ARMC9: variants seen among roughly 807,000 people sequenced by gnomAD.
The protein encoded by ARMC9 is armadillo repeat containing 9, also known as lisH domain-containing protein ARMC9.
ARMC9 carries 94 observed loss-of-function variants against 107.0 expected under a neutral mutation model. That is an observed-to-expected ratio of 0.88 (90% confidence interval 0.74 to 1.04). The LOEUF (loss-of-function observed/expected upper bound fraction) is 1.04, where lower values mean the gene tolerates loss of function less well. Ranked by LOEUF, ARMC9 falls within the 50% of genes least tolerant of loss-of-function variation. The pLI, the probability that ARMC9 is intolerant of heterozygous loss-of-function variation, is 0.00. For missense variants in ARMC9, 942 were observed against 1,030.1 expected (o/e 0.91, Z 1.17); for synonymous variants, 380 against 396.9 (o/e 0.96, Z 0.51).
chr2:231,370,226 ACCAGG>A (rs1419855026), intron 24 of ARMC9, 101 bp downstream of exon 24: 24 of 1,319,176 alleles, frequency 1.8e-5, no homozygotes, highest in Non-Finnish European at 2.4e-5. Flanking sequence ...TCCTGTGTGT[ACCAGG>A]CCAGGCCAGA....
chr2:231,276,798 T>G, intron 15 of ARMC9, 23 bp downstream of exon 15: 1 of 1,612,798 alleles, frequency 6.2e-7, no homozygotes, highest in Non-Finnish European at 8.5e-7. Context: ...ACCCTCATTC[T>G]AGTGCAAGAA....
At chr2:231,290,400 G>GT (rs1215301714) in intron 17 of ARMC9, among the ~76,000 whole-genome samples, 4 of 152,238 alleles carry the variant, frequency 2.6e-5, no homozygotes, top group Non-Finnish European at 4.4e-5. Context: ...GTTGGCTCAT[G>GT]TAACTGAAAA....
chr2:231,256,116 A>T (rs2037772190), intron 9 of ARMC9: 1 of 1,552,514 alleles, frequency 6.4e-7, no homozygotes, highest in Non-Finnish European at 8.7e-7. Flanking sequence ...AGCCGTGTGC[A>T]GCCTATCAAG....
At chr2:231,309,266 A>G (rs2042203231) in intron 19 of ARMC9, among the ~76,000 whole-genome samples, 1 of 152,146 alleles carries the variant, frequency 6.6e-6, no homozygotes, top group Admixed American at 6.5e-5. Flanking sequence ...TAGACACCTC[A>G]TGATTCCTAG....
chr2:231,334,443 T>C (rs562443899), intron 20 of ARMC9, among the ~76,000 whole-genome samples: 10 of 152,300 alleles, frequency 6.6e-5, no homozygotes, highest in Non-Finnish European at 1.5e-5. Context: ...GGCCTTCCCC[T>C]CTTCTGTCTT....
intron 19 of ARMC9, among the ~76,000 whole-genome samples, chr2:231,299,397 G>A (rs761894415): frequency 5.6e-4 from 85 of 151,198 alleles, no homozygotes; most frequent in Non-Finnish European, 1.1e-3. Flanking sequence ...TAAACTGCAA[G>A]GGGGGAATAG....
At chr2:231,293,440 T>TTTTAGTCCAC (rs1269664899) in intron 18 of ARMC9, among the ~76,000 whole-genome samples, 1 of 152,150 alleles carries the variant, frequency 6.6e-6, no homozygotes, top group Non-Finnish European at 1.5e-5. Flanking sequence ...CACCTGTGTG[T>TTTTAGTCCAC]TTTAGTCCAC....
intron 17 of ARMC9, among the ~76,000 whole-genome samples, chr2:231,289,015 A>G (rs951366862): frequency 1.7e-4 from 26 of 152,330 alleles, no homozygotes; most frequent in Admixed American, 9.8e-4. Context: ...ATTATTCACT[A>G]GGACCTTTTA....
intron 23 of ARMC9, among the ~76,000 whole-genome samples, chr2:231,369,749 G>A (rs571561612): frequency 2.6e-5 from 4 of 151,688 alleles, no homozygotes; most frequent in Admixed American, 2.0e-4. Flanking sequence ...GCCCGCCACC[G>A]CGCCCGGCTA....
chr2:231,265,127 A>G (rs1453382596), intron 12 of ARMC9, among the ~76,000 whole-genome samples: 1 of 152,160 alleles, frequency 6.6e-6, no homozygotes, highest in Non-Finnish European at 1.5e-5. Flanking sequence ...AATGAGCTGA[A>G]CGCTTGAACC....
chr2:231,339,857 C>T (rs1277071344), intron 20 of ARMC9, among the ~76,000 whole-genome samples: 1 of 152,160 alleles, frequency 6.6e-6, no homozygotes, highest in African/African-American at 2.4e-5. Flanking sequence ...CGCTTGAACC[C>T]AGGAGGCAGA....
At chr2:231,367,290 C>T (rs2045857122) in intron 23 of ARMC9, among the ~76,000 whole-genome samples, 1 of 152,232 alleles carries the variant, frequency 6.6e-6, no homozygotes, top group East Asian at 1.9e-4. Context: ...TGGGCCCTGC[C>T]GCCCAGGCTT....
chr2:231,305,995 A>T (rs1340294159), intron 19 of ARMC9, among the ~76,000 whole-genome samples: 1 of 152,220 alleles, frequency 6.6e-6, no homozygotes, highest in Non-Finnish European at 1.5e-5. Flanking sequence ...CTCCAACTTA[A>T]CTGACGTTTA....
intron 8 of ARMC9, among the ~76,000 whole-genome samples, chr2:231,237,753 GTA>G (rs1226959333): frequency 0.023 from 559 of 24,432 alleles, 14 homozygotes; most frequent in East Asian, 0.05. Context: ...TTGGCTATAT[GTA>G]TATATATATA....
Position 231,366,873 on chromosome 2 carries a change from C to T in ARMC9, c.2262-3080C>T, listed in dbSNP as rs190040147. On this transcript the variant is annotated intron_variant, in intron 23 of 24. Transcript: ENST00000611582. ...ACCAAACAAATTTTTTTTTTTGAGA[C>T]GGAGTCTCGCTCTGTCGCCCAGGCT... Among the ~76,000 whole-genome samples the T allele has an allele frequency of 2.4e-3, 361 of 149,852 alleles. 7 individuals are homozygous for T. In the Middle Eastern group the frequency reaches 0.083, roughly 34 times the overall value.
chr2:231,210,699 C>T (rs2032705486), intron 3 of ARMC9, among the ~76,000 whole-genome samples: 1 of 152,234 alleles, frequency 6.6e-6, no homozygotes, highest in African/African-American at 2.4e-5. Flanking sequence ...TTTGCCATCG[C>T]ATTTCAGCTC....
chr2:231,206,619 G>A (rs2125306525), intron 2 of ARMC9, among the ~76,000 whole-genome samples: 1 of 152,280 alleles, frequency 6.6e-6, no homozygotes, highest in Middle Eastern at 3.4e-3. Flanking sequence ...CCTGTAGTTT[G>A]TTTTACAGAA....
intron 24 of ARMC9, chr2:231,370,475 G>A (rs887154712): frequency 1.2e-4 from 26 of 217,420 alleles, no homozygotes; most frequent in Admixed American, 2.9e-4. Context: ...CTGCTGCCCC[G>A]GGGTTGGCCC....
intron 5 of ARMC9, among the ~76,000 whole-genome samples, chr2:231,217,294 A>G (rs1191512063): frequency 6.6e-6 from 1 of 152,222 alleles, no homozygotes; most frequent in Non-Finnish European, 1.5e-5. Context: ...AAAATGTTAC[A>G]GAAAGTTGGC....
Sources: allele counts gnomAD v4.1 joint callset (sites outside exome capture counted in the v4.1 genomes callset), GRCh38; gene constraint gnomAD v4.1.1; transcripts MANE v1.5; gene names NCBI Gene and HGNC (gene_info 2026-07-23, HGNC 2026-07-21).